AGTPBP1: variants seen among roughly 807,000 people sequenced by gnomAD.
The protein encoded by AGTPBP1 is cytosolic carboxypeptidase 1.
In AGTPBP1, 70 loss-of-function variants were observed where a neutral mutation model predicts 143.9. The observed-to-expected ratio is 0.49, with a 90% confidence interval of 0.40 to 0.59. AGTPBP1 has a LOEUF of 0.59. Ranked by LOEUF, AGTPBP1 falls within the 20% of genes least tolerant of loss-of-function variation. The pLI is 0.00. For missense variants in AGTPBP1, 1,229 were observed against 1,464.5 expected, an observed-to-expected ratio of 0.84 and a Z score of 2.62; for synonymous variants, 463 against 500.2, an observed-to-expected ratio of 0.93 and a Z score of 0.99.
At chr9:85,773,981 C>A in the AGTPBP1 span, 2 of 1,610,788 alleles carry the variant, frequency 1.2e-6, no homozygotes, top group Non-Finnish European at 1.7e-6. Flanking sequence ...GGAGACTGAC[C>A]CTCCAGCAAA....
the AGTPBP1 span, among the ~76,000 whole-genome samples, chr9:85,783,781 C>T: frequency 2.0e-4 from 30 of 152,216 alleles, no homozygotes; most frequent in Admixed American, 1.6e-3. Flanking sequence ...ATTACAGGTG[C>T]CGCCACCAGG....
chr9:85,712,201 T>C (rs867156971), intron 2 of AGTPBP1, among the ~76,000 whole-genome samples: 4 of 151,794 alleles, frequency 2.6e-5, no homozygotes, highest in South Asian at 4.2e-4. Context: ...GAGGCAGAGG[T>C]TGTAGTGAGC....
At chr9:85,616,994 T>C (rs1017968209) in intron 17 of AGTPBP1, among the ~76,000 whole-genome samples, 6 of 152,070 alleles carry the variant, frequency 3.9e-5, no homozygotes, top group Non-Finnish European at 7.4e-5. Flanking sequence ...AAAGTGTTTA[T>C]AACTAAACCA....
intron 25 of AGTPBP1, among the ~76,000 whole-genome samples, chr9:85,561,320 A>C (rs776101783): frequency 2.6e-4 from 40 of 151,578 alleles, no homozygotes; most frequent in Middle Eastern, 3.2e-3. Context: ...CCTGGGAGGC[A>C]GAGATTGCAG....
chr9:85,763,189 A>C, the AGTPBP1 span, among the ~76,000 whole-genome samples: 313 of 152,208 alleles, frequency 2.1e-3, 1 homozygote, highest in Non-Finnish European at 3.3e-3. Flanking sequence ...AACAAACAAA[A>C]AAAAACCCTC....
chr9:85,767,347 A>T, the AGTPBP1 span, among the ~76,000 whole-genome samples: 2 of 132,562 alleles, frequency 1.5e-5, no homozygotes, highest in Non-Finnish European at 3.2e-5. Context: ...ATGCCCAGCT[A>T]ATTTTTTTTT....
chr9:85,579,373 T>C (rs189248426), intron 23 of AGTPBP1, among the ~76,000 whole-genome samples: 9 of 152,224 alleles, frequency 5.9e-5, no homozygotes, highest in Admixed American at 5.2e-4. Flanking sequence ...GAGAAAACCA[T>C]GTCTAAAAAT....
chr9:85,737,514 T>C lies in AGTPBP1; in HGVS notation c.-34+4261A>G, dbSNP rs184406256. 1.4e-3 allele frequency among the ~76,000 whole-genome samples: 215 copies of C among 152,372 alleles called. 1 individual carries two copies. The highest frequency in any genetic ancestry group is 4.9e-3 in the African/African-American group (205 of 41,594). On this transcript the variant is annotated intron_variant, in intron 1 of 25. Coordinates refer to ENST00000357081, the MANE Select transcript of AGTPBP1 (RefSeq NM_001330701.2). ...GGAAAACTCATATCCACCATTGTCA[T>C]GTCAAGACCTAAACAGCTTCCCAAT...
intron 13 of AGTPBP1, among the ~76,000 whole-genome samples, chr9:85,635,924 T>C (rs1158313929): frequency 6.6e-6 from 1 of 151,986 alleles, no homozygotes; most frequent in Non-Finnish European, 1.5e-5. Context: ...CACAAACTGG[T>C]ATTAAAAACC....
chr9:85,639,367 G>GCGCGCACACACA (rs1554713133), intron 13 of AGTPBP1, among the ~76,000 whole-genome samples: 4 of 147,232 alleles, frequency 2.7e-5, no homozygotes, highest in African/African-American at 9.9e-5. Context: ...GCGCGCACGC[G>GCGCGCACACACA]CACACACACA....
the AGTPBP1 span, among the ~76,000 whole-genome samples, chr9:85,762,195 T>C: frequency 1.9e-4 from 29 of 152,104 alleles, no homozygotes; most frequent in Admixed American, 1.9e-3. Context: ...AGTTCAACCA[T>C]TGTGGAAGAC....
chr9:85,618,934 A>G (rs754110958), intron 17 of AGTPBP1, 49 bp downstream of exon 17: 1 of 1,507,062 alleles, frequency 6.6e-7, no homozygotes, highest in Non-Finnish European at 8.9e-7. Flanking sequence ...TCTTTTCCAC[A>G]GTTAAGATGC....
rs751151155 is a variant in AGTPBP1, at chr9:85,712,563, T to C, written c.-30A>G. 70 of 1,427,068 alleles carry C rather than the reference T, an allele frequency of 4.9e-5. No individual in the cohort carries two copies. Among genetic ancestry groups the C allele is most frequent in the Non-Finnish European group, 5.9e-5 (63 of 1,060,206 alleles). The allele number at this position is 1,427,068 out of a possible 1,614,324, so 88.4% of individuals were successfully genotyped here. The stretch of plus-strand genomic sequence containing the variant: ...AGTTACTTCATTTCATAATTGCAGA[T>C]AATCTAAAAGAAAAATGTTAATGAT... On this transcript the variant is annotated 5_prime_UTR_variant, in exon 2 of 26. Transcript: ENST00000357081.
At chr9:85,666,315 G>C (rs1468792754) in intron 8 of AGTPBP1, among the ~76,000 whole-genome samples, 2 of 152,090 alleles carry the variant, frequency 1.3e-5, no homozygotes, top group Non-Finnish European at 1.5e-5. Flanking sequence ...AAATTAAAAA[G>C]GAGAGGAAGC....
At chr9:85,746,629 T>C (rs558276962), upstream of AGTPBP1, among the ~76,000 whole-genome samples, 14 of 151,890 alleles carry the variant, frequency 9.2e-5, no homozygotes, top group Non-Finnish European at 1.8e-4. Flanking sequence ...ATTCTGCCTC[T>C]AACAAAAAGA....
At chr9:85,747,798 A>C in the AGTPBP1 span, among the ~76,000 whole-genome samples, 2 of 152,242 alleles carry the variant, frequency 1.3e-5, no homozygotes, top group South Asian at 4.1e-4. Flanking sequence ...ATTTAAAAGA[A>C]CTGGTAATAA....
intron 6 of AGTPBP1, among the ~76,000 whole-genome samples, chr9:85,673,942 A>G (rs1372120752): frequency 6.6e-6 from 1 of 151,804 alleles, no homozygotes; most frequent in Non-Finnish European, 1.5e-5. Context: ...AACATGGTGA[A>G]ACCCCGTCTC....
the AGTPBP1 span, among the ~76,000 whole-genome samples, chr9:85,760,858 T>C: frequency 1.8e-4 from 27 of 152,262 alleles, no homozygotes; most frequent in African/African-American, 6.0e-4. Context: ...TGATTGTATA[T>C]CTAGAAAACC....
intron 2 of AGTPBP1, among the ~76,000 whole-genome samples, chr9:85,706,023 G>T (rs879387775): frequency 2.6e-5 from 4 of 151,382 alleles, no homozygotes; most frequent in Admixed American, 6.6e-5. Context: ...AGGAAGTGAT[G>T]TATCACTAAA....
Sources: allele counts gnomAD v4.1 joint callset (sites outside exome capture counted in the v4.1 genomes callset), GRCh38; gene constraint gnomAD v4.1.1; transcripts MANE v1.5; gene names NCBI Gene and HGNC (gene_info 2026-07-23, HGNC 2026-07-21).